NTRK2: variants seen among roughly 807,000 people sequenced by gnomAD.
The protein encoded by NTRK2 is neurotrophic receptor tyrosine kinase 2.
Under a neutral mutation model 94.5 loss-of-function variants are expected in NTRK2, and 13 were observed. The ratio of observed to expected loss-of-function variants is 0.14; its 90% CI spans 0.09 to 0.22. The LOEUF (loss-of-function observed/expected upper bound fraction) is 0.22. NTRK2 is among the 10% of genes least tolerant of loss of function. The pLI, the probability that NTRK2 is intolerant of heterozygous loss-of-function variation, is 1.00. For synonymous variants in NTRK2, 372 were observed against 407.4 expected, an observed-to-expected ratio of 0.91 and a Z score of 1.05; for missense variants, 639 against 1,071.2, an observed-to-expected ratio of 0.60 and a Z score of 5.63.
intron 12 of NTRK2, chr9:84,814,231 AC>A: frequency 9.4e-7 from 1 of 1,065,548 alleles, no homozygotes; most frequent in Non-Finnish European, 1.1e-6. Flanking sequence ...TCTCCAAGTA[AC>A]CCTGAATTAG....
At chr9:84,816,184 G>T (rs1324180687) in intron 12 of NTRK2, among the ~76,000 whole-genome samples, 1 of 152,062 alleles carries the variant, frequency 6.6e-6, no homozygotes, top group Non-Finnish European at 1.5e-5. Flanking sequence ...GAGAGAGAGG[G>T]GAATATGTTG....
chr9:84,934,831 C>T (rs1430036049), intron 15 of NTRK2, among the ~76,000 whole-genome samples: 1 of 152,100 alleles, frequency 6.6e-6, no homozygotes, highest in East Asian at 1.9e-4. Context: ...GATGGCATCT[C>T]CTGTGGAATT....
At chr9:84,840,725 A>G (rs2074133234) in intron 12 of NTRK2, among the ~76,000 whole-genome samples, 2 of 152,090 alleles carry the variant, frequency 1.3e-5, no homozygotes, top group Non-Finnish European at 1.5e-5. Flanking sequence ...CTTTGCCTCC[A>G]ACAACCTTCT....
chr9:84,727,915 A>G lies in NTRK2; in HGVS notation c.1115A>G (p.Lys372Arg). The G allele has an allele frequency of 6.2e-7, 1 of 1,614,192 alleles. No homozygotes were observed. Among genetic ancestry groups the G allele is most frequent in the Non-Finnish European group, 8.5e-7 (1 of 1,180,032 alleles). The change falls in exon 9 of 19, where the codon AAA (lysine) becomes AGA (arginine). Residue 372 changes from lysine (K) to arginine (R), a missense_variant. Lys to Arg is a conservative substitution (Grantham distance 26). This residue lies in a region of NTRK2 where 343 missense variants were observed against 571.5 expected (regional missense o/e 0.60). Transcript: ENST00000277120. ...AAGAATGAGTATGGGAAGGATGAGA[A>G]ACAGATTTCTGCTCACTTCATGGGC... ...IAKNEYGKDE[K>R]QISAHFMGWP...
chr9:84,787,791 A>C (rs774436341), intron 12 of NTRK2, among the ~76,000 whole-genome samples: 13 of 152,226 alleles, frequency 8.5e-5, no homozygotes, highest in Non-Finnish European at 1.5e-4. Flanking sequence ...ATAAGGGACT[A>C]TCTATAAATC....
intron 14 of NTRK2, among the ~76,000 whole-genome samples, chr9:84,923,735 G>C (rs911597964): frequency 1.3e-5 from 2 of 152,068 alleles, no homozygotes; most frequent in Non-Finnish European, 2.9e-5. Flanking sequence ...GGCCAATATG[G>C]CAAAACCCCA....
rs749195330 is a variant in NTRK2, at chr9:84,745,067, T to C, written c.1290T>C (p.His430=). The C allele has an allele frequency of 7.4e-6, 12 of 1,612,198 alleles. No homozygotes were observed. Among genetic ancestry groups the C allele is most frequent in the Non-Finnish European group, 9.3e-6 (11 of 1,178,394 alleles). The change falls in exon 11 of 19, where the codon CAT becomes CAC. Residue 430 remains histidine (H), a synonymous_variant. Transcript: ENST00000277120. ...TCACTGATAAAACCGGTCGGGAACA[T>C]CTCTCGGTGAGTGGAATAAATAGGT... ...TDVTDKTGRE[H]LSVYAVVVIA...
At chr9:84,685,474 G>C (rs999893996) in intron 2 of NTRK2, among the ~76,000 whole-genome samples, 1 of 151,166 alleles carries the variant, frequency 6.6e-6, no homozygotes, top group Non-Finnish European at 1.5e-5. Flanking sequence ...TTTAGGAACT[G>C]CTTGCCTAGC....
chr9:84,774,468 G>A (rs2066846225), intron 12 of NTRK2, among the ~76,000 whole-genome samples: 1 of 152,194 alleles, frequency 6.6e-6, no homozygotes, highest in African/African-American at 2.4e-5. Flanking sequence ...TGCACATAAA[G>A]AACTGGAGGC....
At chr9:84,758,233 T>A (rs1448668587) in intron 12 of NTRK2, among the ~76,000 whole-genome samples, 1 of 152,068 alleles carries the variant, frequency 6.6e-6, no homozygotes, top group Non-Finnish European at 1.5e-5. Context: ...TACCTTTTTA[T>A]AAAAGCAAAT....
At chr9:84,912,265 G>T (rs897265747) in intron 14 of NTRK2, among the ~76,000 whole-genome samples, 1 of 151,960 alleles carries the variant, frequency 6.6e-6, no homozygotes, top group Non-Finnish European at 1.5e-5. Flanking sequence ...AGACCTTTTT[G>T]GTTAATGGTG....
chr9:84,790,764 A>G (rs902570107), intron 12 of NTRK2, among the ~76,000 whole-genome samples: 2 of 152,236 alleles, frequency 1.3e-5, no homozygotes, highest in African/African-American at 4.8e-5. Flanking sequence ...AATCTACCAC[A>G]AAATTTTCAG....
intron 6 of NTRK2, among the ~76,000 whole-genome samples, chr9:84,719,115 G>A (rs1411801758): frequency 1.3e-5 from 2 of 152,032 alleles, no homozygotes; most frequent in Non-Finnish European, 2.9e-5. Flanking sequence ...CTTTATCAGT[G>A]GTATTTATGG....
At chr9:84,798,312 A>T (rs2069879927) in intron 12 of NTRK2, among the ~76,000 whole-genome samples, 1 of 152,148 alleles carries the variant, frequency 6.6e-6, no homozygotes, top group South Asian at 2.1e-4. Context: ...TCACACTGGG[A>T]ATTAGGTTTC....
At chr9:84,811,438 A>T (rs2071776482) in intron 12 of NTRK2, 1 of 1,065,834 alleles carries the variant, frequency 9.4e-7, no homozygotes, top group Admixed American at 5.3e-5. Context: ...CATATGGTGA[A>T]ATTATAACCT....
chr9:84,793,160 C>T (rs574435647), intron 12 of NTRK2, among the ~76,000 whole-genome samples: 1 of 152,264 alleles, frequency 6.6e-6, no homozygotes, highest in African/African-American at 2.4e-5. Context: ...CTTGCAAAAG[C>T]CATTGTGTTT....
At chr9:84,870,331 G>GTATATATATATATATATATATATA (rs1158637577) in intron 14 of NTRK2, among the ~76,000 whole-genome samples, 1 of 31,176 alleles carries the variant, frequency 3.2e-5, no homozygotes, top group Non-Finnish European at 6.8e-5. Context: ...GTGTGTGTGT[G>GTATATATATATATATATATATATA]TATATATATA....
At chr9:84,963,197 T>A (rs533204014) in intron 17 of NTRK2, among the ~76,000 whole-genome samples, 1 of 152,212 alleles carries the variant, frequency 6.6e-6, no homozygotes, top group Non-Finnish European at 1.5e-5. Flanking sequence ...TCCTAGAACA[T>A]CCCCTCTGCA....
intron 14 of NTRK2, among the ~76,000 whole-genome samples, chr9:84,927,568 A>C (rs932636889): frequency 3.9e-5 from 6 of 152,112 alleles, no homozygotes; most frequent in African/African-American, 1.4e-4. Flanking sequence ...CTAGATAGGC[A>C]CAGCTGAACT....
Sources: allele counts gnomAD v4.1 joint callset (sites outside exome capture counted in the v4.1 genomes callset), GRCh38; gene constraint gnomAD v4.1.1; regional missense constraint gnomAD v4.1.1; transcripts MANE v1.5; gene names NCBI Gene and HGNC (gene_info 2026-07-23, HGNC 2026-07-21).